Variants in AKAP13 observed in about 807,000 individuals in gnomAD.
AKAP13 encodes the protein A-kinase anchor protein 13.
AKAP13 carries 80 observed loss-of-function variants against 264.5 expected under a neutral mutation model. The observed-to-expected ratio is 0.30, with a 90% CI of 0.25 to 0.36. The LOEUF (loss-of-function observed/expected upper bound fraction) is 0.36, where lower values mean the gene tolerates loss of function less well. Among genes scored for constraint, AKAP13 ranks in the 10% least tolerant of loss-of-function variants. The pLI is 1.00. For missense variants in AKAP13, 3,712 were observed against 3,435.2 expected (o/e 1.08, Z -2.01); for synonymous variants, 1,380 against 1,250.2 (o/e 1.10, Z -2.19).
chr15:85,692,670 A>C (rs994985094), intron 16 of AKAP13, among the ~76,000 whole-genome samples: 2 of 152,178 alleles, frequency 1.3e-5, no homozygotes, highest in African/African-American at 4.8e-5. Context: ...AATATTTACA[A>C]ACCTTAAAAT....
chr15:85,491,985 A>G (rs1260670509), intron 2 of AKAP13, among the ~76,000 whole-genome samples: 1 of 152,202 alleles, frequency 6.6e-6, no homozygotes, highest in African/African-American at 2.4e-5. Context: ...CGGTTCATCT[A>G]GTGAATGGCA....
At position 85,515,617 on chromosome 15, in the gene AKAP13, C is replaced by G. The variant is rs989519156; in HGVS notation, c.34-5811C>G. Among the ~76,000 whole-genome samples, 2 of 138,694 alleles carry G rather than the reference C, an allele frequency of 1.4e-5. 1 individual carries two copies. Among genetic ancestry groups the G allele is most frequent in the African/African-American group, 5.8e-5 (2 of 34,636 alleles). The allele number at this position is 138,694 out of a possible 152,430, so 91.0% of individuals were successfully genotyped here. A position where few individuals can be genotyped will look rare whatever the true frequency, so the allele number is the denominator to read the frequency against. On this transcript the variant is annotated intron_variant, in intron 2 of 36. Coordinates refer to ENST00000394518, the MANE Select transcript of AKAP13 (RefSeq NM_007200.5). The stretch of plus-strand genomic sequence containing the variant: ...TGGCAAATCTTTTTAGTCTTCTTTA[C>G]TCTGGAACAGGACCTCAATCTTTGT...
At chr15:85,563,548 C>G (rs550200971) in intron 5 of AKAP13, among the ~76,000 whole-genome samples, 4 of 152,064 alleles carry the variant, frequency 2.6e-5, no homozygotes, top group Non-Finnish European at 4.4e-5. Flanking sequence ...TCTTAAAGAC[C>G]TCTTTGCTCC....
At chr15:85,402,791 T>C (rs1306348841) in intron 1 of AKAP13, among the ~76,000 whole-genome samples, 12 of 152,200 alleles carry the variant, frequency 7.9e-5, no homozygotes, top group Non-Finnish European at 1.6e-4. Context: ...ACTAAGATTG[T>C]GTAGCTTGGC....
chr15:85,712,229 T>A (rs1428511722), intron 19 of AKAP13, among the ~76,000 whole-genome samples: 2 of 152,182 alleles, frequency 1.3e-5, no homozygotes, highest in Non-Finnish European at 2.9e-5. Flanking sequence ...TACTTCCAGA[T>A]AGCTCCTGAA....
At chr15:85,449,408 G>T (rs988238923) in intron 1 of AKAP13, among the ~76,000 whole-genome samples, 1 of 151,988 alleles carries the variant, frequency 6.6e-6, no homozygotes, top group African/African-American at 2.4e-5. Flanking sequence ...TCCTACTTGG[G>T]TGCCCTTTAC....
At chr15:85,520,498 C>CAAAAAAA (rs71468111) in intron 2 of AKAP13, among the ~76,000 whole-genome samples, 5 of 71,300 alleles carry the variant, frequency 7.0e-5, no homozygotes, top group East Asian at 3.2e-4. Flanking sequence ...AACTCCGTCT[C>CAAAAAAA]AAAAAAAAAA....
chr15:85,683,087 C>G (rs2084691720), intron 15 of AKAP13, among the ~76,000 whole-genome samples: 1 of 152,138 alleles, frequency 6.6e-6, no homozygotes, highest in Non-Finnish European at 1.5e-5. Flanking sequence ...GCAGTTTTTT[C>G]TGAGTTGCCT....
At chr15:85,710,344 G>A in intron 18 of AKAP13, 5 of 402,014 alleles carry the variant, frequency 1.2e-5, no homozygotes, top group Non-Finnish European at 2.3e-5. Context: ...AGAATGCCAT[G>A]CTTCTGAAGG....
rs181632548 is a variant in AKAP13, at chr15:85,721,952, G to T, written c.6253-39G>T. On this transcript the variant is annotated intron_variant, in intron 23 of 36. Coordinates refer to ENST00000394518, the MANE Select transcript of AKAP13 (RefSeq NM_007200.5). ...TTTACAAAATGGTATTATGAGTTTG[G>T]CGCCCCATGGCATAACTTCTGTTCT... 3.4e-3 allele frequency: 5,432 copies of T among 1,610,300 alleles called. 16 individuals are homozygous for T. The highest frequency in any genetic ancestry group is 4.3e-3 in the Non-Finnish European group (5,055 of 1,178,492).
intron 1 of AKAP13, among the ~76,000 whole-genome samples, chr15:85,386,898 T>G (rs1334050019): frequency 4.6e-5 from 7 of 152,220 alleles, no homozygotes; most frequent in Non-Finnish European, 8.8e-5. Context: ...AGTTTTAAAA[T>G]CAGGTAGTGT....
intron 2 of AKAP13, among the ~76,000 whole-genome samples, chr15:85,514,936 T>A (rs551904786): frequency 7.3e-6 from 1 of 137,076 alleles, no homozygotes; most frequent in East Asian, 2.1e-4. Context: ...CTTAACTCTC[T>A]TGTTTCACTT....
At chr15:85,399,535 A>AAAAAAAAAAAAAT (rs1567038735) in intron 1 of AKAP13, among the ~76,000 whole-genome samples, 1 of 105,596 alleles carries the variant, frequency 9.5e-6, no homozygotes, top group African/African-American at 4.1e-5. Flanking sequence ...AAAAAATAAA[A>AAAAAAAAAAAAAT]AAATAAATAA....
intron 1 of AKAP13, among the ~76,000 whole-genome samples, chr15:85,444,078 T>C (rs867942495): frequency 2.1e-4 from 32 of 152,286 alleles, no homozygotes; most frequent in Admixed American, 1.7e-3. Context: ...GGGGCTATAA[T>C]GAGTACAAAG....
rs202150570 is a variant in AKAP13, at chr15:85,691,871, A to C, written c.5290-1406A>C. On this transcript the variant is annotated intron_variant, in intron 16 of 36. Coordinates refer to ENST00000394518, the MANE Select transcript of AKAP13 (RefSeq NM_007200.5). ...AGGAGCTTCACAAAAGAGGTCAGAG[A>C]GCACGGCGTAGGAAGCTTATCTTTC... 1.4e-3 allele frequency: 673 copies of C among 491,718 alleles called. 7 individuals carry two copies. Among genetic ancestry groups the C allele is most frequent in the South Asian group, 8.3e-3 (554 of 67,046 alleles). 30.5% of individuals were successfully genotyped at this position (491,718 alleles called of 1,614,324 possible). A position where few individuals can be genotyped will look rare whatever the true frequency, so the allele number is the denominator to read the frequency against.
chr15:85,515,600 C>G (rs1393815145), intron 2 of AKAP13, among the ~76,000 whole-genome samples: 1 of 138,694 alleles, frequency 7.2e-6, no homozygotes, highest in African/African-American at 2.9e-5. Flanking sequence ...GTTGGCAAAT[C>G]TTTTTAGTCT....
rs534597248 is a variant in AKAP13, at chr15:85,585,745, A to C, written c.4083A>C (p.Ala1361=). 17 of 1,614,178 alleles carry C rather than the reference A, an allele frequency of 1.1e-5. No individual in the cohort carries two copies. In the South Asian group the frequency reaches 1.8e-4, roughly 17 times the overall value. Residue 1361 remains alanine, a synonymous_variant, in exon 8 of 37, where the codon GCA becomes GCC. Transcript: ENST00000394518. ...CTGAAGATGAAGTGGATTTTAGAGCAAGTTCAATTTCTGAAGAAGTGGCTG... is the reference window on the plus strand; with the variant it reads ...CTGAAGATGAAGTGGATTTTAGAGCCAGTTCAATTTCTGAAGAAGTGGCTG... ...VKAEDEVDFR[A]SSISEEVAVG... is the part of the protein sequence containing the mutation.
intron 16 of AKAP13, among the ~76,000 whole-genome samples, chr15:85,686,251 C>T (rs1444773570): frequency 6.6e-6 from 1 of 151,740 alleles, no homozygotes; most frequent in Non-Finnish European, 1.5e-5. Context: ...TAGATACATG[C>T]ATATTTAGAA....
At chr15:85,606,377 C>T (rs1021558191) in intron 8 of AKAP13, among the ~76,000 whole-genome samples, 1 of 152,154 alleles carries the variant, frequency 6.6e-6, no homozygotes, top group African/African-American at 2.4e-5. Context: ...GCTGGGATTA[C>T]AGGCATGAGC....
Sources: gnomAD v4.1 joint callset for allele counts (sites outside exome capture counted in the v4.1 genomes callset) on GRCh38, gnomAD v4.1.1 for gene constraint, MANE v1.5 for transcripts, NCBI Gene and HGNC (gene_info 2026-07-23, HGNC 2026-07-21) for gene names.